CALCRL: variants seen among roughly 807,000 people sequenced by gnomAD.
CALCRL encodes calcitonin gene-related peptide type 1 receptor.
In CALCRL, 27 loss-of-function variants were observed where a neutral mutation model predicts 60.4. The observed-to-expected ratio is 0.45, with a 90% CI of 0.33 to 0.62. CALCRL has a LOEUF of 0.62. Among genes scored for constraint, CALCRL ranks in the 20% least tolerant of loss-of-function variants. The probability of loss-of-function intolerance (pLI) is 0.03; values close to 1 mark genes in which losing one functional copy is unlikely to be tolerated. For synonymous variants in CALCRL, 190 were observed against 182.6 expected (o/e 1.04, Z -0.33); for missense variants, 424 against 540.7 (o/e 0.78, Z 2.14).
intron 1 of CALCRL, among the ~76,000 whole-genome samples, chr2:187,447,135 C>A (rs936556043): frequency 6.6e-6 from 1 of 151,904 alleles, no homozygotes; most frequent in African/African-American, 2.4e-5. Context: ...GATGTTTTAT[C>A]CAACATTTCA....
At chr2:187,429,118 T>C (rs887305128) in intron 1 of CALCRL, among the ~76,000 whole-genome samples, 6 of 152,090 alleles carry the variant, frequency 3.9e-5, no homozygotes, top group African/African-American at 1.4e-4. Flanking sequence ...ACTTTACTGA[T>C]AACTAGAAAT....
intron 1 of CALCRL, among the ~76,000 whole-genome samples, chr2:187,408,041 G>T (rs1689208362): frequency 6.6e-6 from 1 of 151,812 alleles, no homozygotes. Flanking sequence ...TATTTAATTT[G>T]TAAAATAAGA....
intron 1 of CALCRL, among the ~76,000 whole-genome samples, chr2:187,427,360 T>C (rs1690189704): frequency 6.6e-6 from 1 of 152,086 alleles, no homozygotes; most frequent in Admixed American, 6.5e-5. Context: ...AAGTAAATGA[T>C]GAAACTCAGT....
At chr2:187,419,218 G>A (rs997709981) in intron 1 of CALCRL, among the ~76,000 whole-genome samples, 2 of 151,834 alleles carry the variant, frequency 1.3e-5, no homozygotes, top group African/African-American at 4.8e-5. Context: ...ATATATTTAA[G>A]TTCTAACCCT....
intron 1 of CALCRL, among the ~76,000 whole-genome samples, chr2:187,443,019 C>T (rs904221221): frequency 1.3e-5 from 2 of 151,704 alleles, no homozygotes; most frequent in Admixed American, 1.3e-4. Context: ...TGTAAAGAAA[C>T]GCAATAATTT....
chr2:187,392,226 G>C (rs1034805179), intron 1 of CALCRL, among the ~76,000 whole-genome samples: 3 of 152,004 alleles, frequency 2.0e-5, no homozygotes, highest in African/African-American at 7.2e-5. Flanking sequence ...CCAACATTAA[G>C]AAAAATAATA....
At chr2:187,416,962 C>T (rs994945269) in intron 1 of CALCRL, among the ~76,000 whole-genome samples, 2 of 152,052 alleles carry the variant, frequency 1.3e-5, no homozygotes, top group Non-Finnish European at 2.9e-5. Context: ...AATAAATGCA[C>T]TAAATATCCT....
At chr2:187,421,587 T>C (rs1190406881) in intron 1 of CALCRL, among the ~76,000 whole-genome samples, 1 of 152,226 alleles carries the variant, frequency 6.6e-6, no homozygotes, top group African/African-American at 2.4e-5. Flanking sequence ...CACTATCTCC[T>C]GATGCTCTCA....
intron 1 of CALCRL, among the ~76,000 whole-genome samples, chr2:187,406,547 T>C (rs762776369): frequency 9.4e-4 from 143 of 152,194 alleles, no homozygotes; most frequent in Non-Finnish European, 1.6e-3. Context: ...AAAGGAAGCA[T>C]TGAGAAGTCT....
At chr2:187,391,656 G>C (rs957968945) in intron 1 of CALCRL, among the ~76,000 whole-genome samples, 1 of 152,032 alleles carries the variant, frequency 6.6e-6, no homozygotes, top group African/African-American at 2.4e-5. Flanking sequence ...ATTAAACTAA[G>C]TGGTTTATTA....
chr2:187,355,833 A>G (rs1686754023), intron 12 of CALCRL, among the ~76,000 whole-genome samples: 1 of 152,140 alleles, frequency 6.6e-6, no homozygotes, highest in Non-Finnish European at 1.5e-5. Context: ...TGCAAAAATC[A>G]CAAGCATTCC....
intron 8 of CALCRL, among the ~76,000 whole-genome samples, chr2:187,378,413 T>C (rs1431528868): frequency 6.6e-6 from 1 of 152,164 alleles, no homozygotes; most frequent in Non-Finnish European, 1.5e-5. Context: ...TGACTCTTCC[T>C]CCTCAAAATG....
chr2:187,355,626 CACAT>C (rs1188964835), intron 12 of CALCRL, among the ~76,000 whole-genome samples: 1 of 151,910 alleles, frequency 6.6e-6, no homozygotes, highest in Non-Finnish European at 1.5e-5. Context: ...TGAAAAATAT[CACAT>C]ACATACACAA....
rs533761937 is a variant in CALCRL, at chr2:187,344,314, G to T, written c.*1870C>A. ...GACCATTCTATATGTTAATTCTTAC[G>T]AATTTAGATAATTTGTCTTAGCAAT... On this transcript the variant is annotated 3_prime_UTR_variant, in exon 15 of 15. Transcript: ENST00000392370. 1 of 151,402 alleles carries T rather than the reference G, an allele frequency of 6.6e-6. No individual in the cohort carries two copies. The highest frequency in any genetic ancestry group is 6.6e-5 in the Admixed American group (1 of 15,150). 9.4% of individuals were successfully genotyped at this position (151,402 alleles called of 1,614,324 possible).
intron 14 of CALCRL, among the ~76,000 whole-genome samples, chr2:187,348,635 A>T (rs1686390921): frequency 6.6e-6 from 1 of 151,656 alleles, no homozygotes. Context: ...CCTTGCAACT[A>T]AATCATCAGA....
intron 1 of CALCRL, among the ~76,000 whole-genome samples, chr2:187,406,137 A>C (rs561929429): frequency 1.2e-4 from 18 of 151,612 alleles, no homozygotes; most frequent in Non-Finnish European, 2.7e-4. Flanking sequence ...ACACCAGACC[A>C]CCAAACCACC....
intron 8 of CALCRL, among the ~76,000 whole-genome samples, chr2:187,374,523 C>G (rs1468795545): frequency 1.3e-5 from 2 of 152,102 alleles, no homozygotes; most frequent in Non-Finnish European, 2.9e-5. Flanking sequence ...TTTTACCCAT[C>G]ATTGAAGTGT....
At chr2:187,435,750 T>G (rs917003452) in intron 1 of CALCRL, among the ~76,000 whole-genome samples, 1 of 152,092 alleles carries the variant, frequency 6.6e-6, no homozygotes, top group Non-Finnish European at 1.5e-5. Flanking sequence ...TGAAAGTTTA[T>G]TATGTGATTT....
intron 8 of CALCRL, among the ~76,000 whole-genome samples, chr2:187,368,332 G>A (rs1361268737): frequency 1.3e-5 from 2 of 152,028 alleles, no homozygotes; most frequent in Non-Finnish European, 2.9e-5. Flanking sequence ...GTTTACCTCA[G>A]TAATGTCAAA....
Sources: allele counts gnomAD v4.1 joint callset (sites outside exome capture counted in the v4.1 genomes callset), GRCh38; gene constraint gnomAD v4.1.1; transcripts MANE v1.5; gene names NCBI Gene and HGNC (gene_info 2026-07-23, HGNC 2026-07-21).